Variants in ARL10 observed in about 807,000 individuals in gnomAD.
The protein encoded by ARL10 is ARF like GTPase 10, also known as ADP-ribosylation factor-like protein 10.
Under a neutral mutation model 26.1 loss-of-function variants are expected in ARL10, and 23 were observed. That is an observed-to-expected ratio of 0.88 (90% CI 0.63 to 1.25). ARL10 has a LOEUF of 1.25. Ranked by LOEUF, ARL10 falls within the 50% of genes most tolerant of loss-of-function variation. The pLI is 0.00. For synonymous variants in ARL10, 138 were observed against 149.1 expected, an observed-to-expected ratio of 0.93 and a Z score of 0.54; for missense variants, 300 against 323.6, an observed-to-expected ratio of 0.93 and a Z score of 0.56.
In ARL10 at chr5:176,368,234, A is replaced by T. The variant is rs1259708286; in HGVS notation, c.386-573A>T. 4.6e-5 allele frequency among the ~76,000 whole-genome samples: 7 copies of T among 152,176 alleles called. No homozygotes were observed. The highest frequency in any genetic ancestry group is 1.0e-4 in the Non-Finnish European group (7 of 68,032). ...ATGAAATATGACATTTCCAAGGGAAAAGAAGGGGATGGGGGAAACTGAATG... is the reference window on the plus strand; with the variant it reads ...ATGAAATATGACATTTCCAAGGGAATAGAAGGGGATGGGGGAAACTGAATG... On this transcript the variant is annotated intron_variant, in intron 2 of 3. Transcript: ENST00000310389. This position sits in a 1 kb window ranked among gnomAD's most constrained non-coding sequence, Gnocchi z 4.1.
At chr5:176,366,212 T>TGGA (rs1372568368) in intron 1 of ARL10, among the ~76,000 whole-genome samples, 168 bp from the exon 2 acceptor site, 5 of 152,128 alleles carry the variant, frequency 3.3e-5, no homozygotes, top group African/African-American at 9.7e-5. Flanking sequence ...GCCAAGGGTT[T>TGGA]GGAATTCAGG....
chr5:176,406,217 C>A (rs555788824), downstream of ARL10: 7 of 1,001,774 alleles, frequency 7.0e-6, no homozygotes, highest in African/African-American at 8.7e-5. Flanking sequence ...GGAGAGATCA[C>A]CAGCGGCTAG....
In ARL10 at chr5:176,396,403, A is replaced by G. The variant is rs143340859; in HGVS notation, c.134-5338A>G. 290 of 1,291,156 alleles carry G rather than the reference A, an allele frequency of 2.2e-4. 4 individuals are homozygous for G. The highest frequency in any genetic ancestry group is 1.9e-3 in the African/African-American group (132 of 68,552). The allele number at this position is 1,291,156 out of a possible 1,614,324, so 80.0% of individuals were successfully genotyped here. A position where few individuals can be genotyped will look rare whatever the true frequency, so the allele number is the denominator to read the frequency against. On this transcript the variant is annotated intron_variant, in intron 1 of 1. Transcript: ENST00000514533. ...CCAGCCACACTCATTTATATCCCAC[A>G]AGCAGGAAACTCAAGAAACTGTGGT...
Position 176,388,334 on chromosome 5 carries a change from G to A in ARL10, c.76G>A (p.Asp26Asn), listed in dbSNP as rs1188945926. The A allele has an allele frequency of 4.3e-6, 7 of 1,614,036 alleles. No homozygotes were observed. In the African/African-American group the frequency reaches 8.0e-5, roughly 18 times the overall value. Residue 26 changes from aspartate (D) to asparagine (N), a missense_variant, in exon 2 of 2, where the codon GAT (aspartate) becomes AAT (asparagine). Physicochemically the swap from Asp to Asn is conservative, Grantham distance 23 (BLOSUM62 1). Coordinates refer to the ARL10 transcript ENST00000503175. ...ATTTAGCGTGGTCCCAGGCATGTCG[G>A]ATGTGGGAGCTACCGGCAAAGAGAG...
chr5:176,391,429 T>A (rs1756259250), downstream of ARL10, among the ~76,000 whole-genome samples: 1 of 152,128 alleles, frequency 6.6e-6, no homozygotes, highest in African/African-American at 2.4e-5. Context: ...CTGGGTGACA[T>A]GGCAAAGCCC....
exon 2 of ARL10, chr5:176,388,580 T>C (rs778703816): frequency 6.4e-6 from 10 of 1,556,414 alleles, no homozygotes; most frequent in South Asian, 1.1e-5. Context: ...ACGCTGCCTC[T>C]GTCTCTCAGA....
intron 1 of ARL10, among the ~76,000 whole-genome samples, chr5:176,399,259 CAGT>C (rs1221947678): frequency 6.6e-6 from 1 of 152,158 alleles, no homozygotes; most frequent in African/African-American, 2.4e-5. Flanking sequence ...AGCAGATGCT[CAGT>C]AGATGTTTGT....
chr5:176,371,952 C>T lies in ARL10; in HGVS notation c.*57C>T. The T allele has an allele frequency of 1.3e-6, 2 of 1,572,502 alleles. No individual in the cohort carries two copies. The highest frequency in any genetic ancestry group is 1.2e-5 in the South Asian group (1 of 86,052). On this transcript the variant is annotated 3_prime_UTR_variant, in exon 4 of 4. Coordinates refer to ENST00000310389, the MANE Select transcript of ARL10 (RefSeq NM_173664.6). ...CAAGACCATAGTTGTACTGCTGCTG[C>T]TTCATTGCCAGACTGGGCCTGGGGC... is the stretch of plus-strand genomic sequence containing the variant.
rs572506122 is a variant in ARL10 at position 176,376,613 on chromosome 5, G to C, written c.*4718G>C. ...TTGCGGACAGAAAATAGGAAAGAGA[G>C]GGAGAAAGATAAGATTTTTGCGATT... is the stretch of plus-strand genomic sequence containing the variant. On this transcript the variant is annotated 3_prime_UTR_variant, in exon 4 of 4. Transcript: ENST00000310389. 6 of 152,334 alleles carry C rather than the reference G, an allele frequency of 3.9e-5. No homozygotes were observed. The highest frequency in any genetic ancestry group is 1.4e-4 in the African/African-American group (6 of 41,572). The allele number at this position is 152,334 out of a possible 1,614,324, so 9.4% of individuals were successfully genotyped here. A position where few individuals can be genotyped will look rare whatever the true frequency, so the allele number is the denominator to read the frequency against.
At chr5:176,400,676 T>C (rs1010838365) in intron 1 of ARL10, among the ~76,000 whole-genome samples, 1 of 152,098 alleles carries the variant, frequency 6.6e-6, no homozygotes, top group African/African-American at 2.4e-5. Flanking sequence ...GGCGCTTCTG[T>C]CTCCCCTCCC....
chr5:176,382,592 C>T (rs996501943), downstream of ARL10, among the ~76,000 whole-genome samples: 8 of 152,166 alleles, frequency 5.3e-5, no homozygotes, highest in Non-Finnish European at 1.2e-4. Flanking sequence ...TCTGATTTTC[C>T]ATTCTCTGAC....
intron 1 of ARL10, among the ~76,000 whole-genome samples, chr5:176,396,027 C>T (rs1418459578): frequency 3.3e-5 from 5 of 152,076 alleles, no homozygotes; most frequent in African/African-American, 9.7e-5. Flanking sequence ...CTCAGCTACT[C>T]GGGAGGCTGA....
exon 2 of ARL10, chr5:176,401,829 C>T (rs1756835428): frequency 8.8e-6 from 4 of 453,836 alleles, no homozygotes; most frequent in South Asian, 4.7e-5. Context: ...TCCTTCCTTC[C>T]CATCCCCCGT....
chr5:176,384,999 A>C (rs1484875899), downstream of ARL10: 3 of 576,704 alleles, frequency 5.2e-6, no homozygotes, highest in African/African-American at 3.7e-5. Flanking sequence ...TGCGAGCAAA[A>C]CATTTATCTG....
At chr5:176,365,827 G>A (rs973488066) in intron 1 of ARL10, 81 bp downstream of exon 1, 1 of 1,215,652 alleles carries the variant, frequency 8.2e-7, no homozygotes, top group Non-Finnish European at 1.0e-6. Flanking sequence ...GTGTGACCAC[G>A]GAACGGCCCT....
rs939193522 is a variant in ARL10, at chr5:176,368,460, G to C, written c.386-347G>C. Among the ~76,000 whole-genome samples, 7 of 152,118 alleles carry C rather than the reference G, an allele frequency of 4.6e-5. No individual in the cohort carries two copies. Among genetic ancestry groups the C allele is most frequent in the African/African-American group, 1.7e-4 (7 of 41,416 alleles). On this transcript the variant is annotated intron_variant, in intron 2 of 3. Coordinates refer to ENST00000310389, the MANE Select transcript of ARL10 (RefSeq NM_173664.6). This position sits in a 1 kb window ranked among gnomAD's most constrained non-coding sequence, Gnocchi z 4.1. The stretch of plus-strand genomic sequence containing the variant: ...CACCTGTGTGTCAGTCCCGTGAAAG[G>C]TACATCGCACGTGGTACCTGTGGGT...
the ARL10 span, among the ~76,000 whole-genome samples, chr5:176,412,423 G>C: frequency 1.3e-5 from 2 of 152,168 alleles, no homozygotes; most frequent in Non-Finnish European, 2.9e-5. Context: ...GCTCCTCAGG[G>C]CTCCAGCACG....
At chr5:176,398,331 C>T (rs1756652665) in intron 1 of ARL10, among the ~76,000 whole-genome samples, 1 of 152,178 alleles carries the variant, frequency 6.6e-6, no homozygotes, top group South Asian at 2.1e-4. Flanking sequence ...CTCAAGAAAG[C>T]GTGTGCCAGC....
chr5:176,382,685 G>T (rs567567392), downstream of ARL10, among the ~76,000 whole-genome samples: 1 of 152,286 alleles, frequency 6.6e-6, no homozygotes, highest in African/African-American at 2.4e-5. Context: ...GGGCCGGGAG[G>T]TTGAGGCTGC....
Sources: gnomAD v4.1 joint callset for allele counts (sites outside exome capture counted in the v4.1 genomes callset) on GRCh38, gnomAD v4.1.1 for gene constraint, Gnocchi (gnomAD v3.1) non-coding constraint, MANE v1.5 for transcripts, NCBI Gene and HGNC (gene_info 2026-07-23, HGNC 2026-07-21) for gene names.